EBF2: variants seen among roughly 807,000 people sequenced by gnomAD.
The protein encoded by EBF2 is transcription factor COE2.
In EBF2, 21 loss-of-function variants were observed where a neutral mutation model predicts 72.8. The observed-to-expected ratio is 0.29, with a 90% CI of 0.20 to 0.42. The LOEUF is 0.42. Among genes scored for constraint, EBF2 ranks in the 10% least tolerant of loss-of-function variants. The pLI, the probability that EBF2 is intolerant of heterozygous loss-of-function variation, is 1.00. For missense variants in EBF2, 637 were observed against 731.2 expected (o/e 0.87, Z 1.49); for synonymous variants, 299 against 274.2 (o/e 1.09, Z -0.89).
intron 10 of EBF2, among the ~76,000 whole-genome samples, chr8:25,882,221 G>A (rs1802615197): frequency 1.3e-5 from 2 of 152,272 alleles, no homozygotes; most frequent in African/African-American, 2.4e-5. Flanking sequence ...CAGCCTGCCC[G>A]TCTGCATGCT....
chr8:25,926,842 G>T (rs760926535), intron 6 of EBF2, among the ~76,000 whole-genome samples: 5 of 152,218 alleles, frequency 3.3e-5, no homozygotes, highest in Non-Finnish European at 7.3e-5. Context: ...CTGCCCTGAA[G>T]ATCTGAGCAA....
chr8:25,858,849 C>G (rs942479143), intron 13 of EBF2, among the ~76,000 whole-genome samples: 1 of 151,710 alleles, frequency 6.6e-6, no homozygotes, highest in Non-Finnish European at 1.5e-5. Flanking sequence ...TTAGTGGAGA[C>G]GGGAATTCAC....
At chr8:26,006,199 C>G (rs1477735448) in intron 6 of EBF2, among the ~76,000 whole-genome samples, 1 of 152,152 alleles carries the variant, frequency 6.6e-6, no homozygotes, top group Non-Finnish European at 1.5e-5. Flanking sequence ...CAGAAAGTAA[C>G]AAACAGATCC....
chr8:25,859,554 G>C (rs984171556), intron 13 of EBF2, among the ~76,000 whole-genome samples: 3 of 152,142 alleles, frequency 2.0e-5, no homozygotes, highest in African/African-American at 4.8e-5. Context: ...AGAAACCACA[G>C]CTCAGAAACA....
chr8:25,972,349 G>T (rs1190637207), intron 6 of EBF2, among the ~76,000 whole-genome samples: 2 of 152,104 alleles, frequency 1.3e-5, no homozygotes, highest in Non-Finnish European at 2.9e-5. Context: ...AGCTGCCTCA[G>T]ACTTCCTTCA....
rs1803757116 is a variant in EBF2, at chr8:25,945,644, G to C, written c.552-37089C>G. Among the ~76,000 whole-genome samples, 4 of 151,478 alleles carry C rather than the reference G, an allele frequency of 2.6e-5. No homozygotes were observed. The South Asian group carries it at 6.3e-4, about 24-fold the overall frequency. ...CTGTTTGGTTTCGGGGGTACAATGA[G>C]AGCCTGTGGAATTTGTTTCTGATAA... On this transcript the variant is annotated intron_variant, in intron 6 of 15. Transcript: ENST00000520164.
chr8:25,887,616 A>T (rs1383212305), intron 9 of EBF2, among the ~76,000 whole-genome samples: 1 of 152,116 alleles, frequency 6.6e-6, no homozygotes, highest in Non-Finnish European at 1.5e-5. Flanking sequence ...ATTTTTTCAA[A>T]ACATTTTTTA....
intron 6 of EBF2, among the ~76,000 whole-genome samples, chr8:26,010,888 C>G (rs111234612): frequency 1.6e-4 from 25 of 152,182 alleles, no homozygotes; most frequent in African/African-American, 4.8e-4. Context: ...AATATGGGCA[C>G]CGATGTGTAG....
chr8:25,976,582 C>T (rs1804272078), intron 6 of EBF2, among the ~76,000 whole-genome samples: 1 of 152,042 alleles, frequency 6.6e-6, no homozygotes, highest in Non-Finnish European at 1.5e-5. Flanking sequence ...ATATAGTTTC[C>T]AGAGTTTGCA....
intron 6 of EBF2, among the ~76,000 whole-genome samples, chr8:26,003,512 C>T (rs1413371860): frequency 2.0e-5 from 3 of 152,112 alleles, no homozygotes; most frequent in South Asian, 4.1e-4. Flanking sequence ...GAATCAGATC[C>T]GGCTTCAGGA....
chr8:25,852,436 C>T (rs911150859), intron 14 of EBF2, among the ~76,000 whole-genome samples: 1 of 152,178 alleles, frequency 6.6e-6, no homozygotes, highest in African/African-American at 2.4e-5. Flanking sequence ...GCCTTGGTTT[C>T]CCTGTCTACA....
At position 25,849,569 on chromosome 8, in the gene EBF2, A is replaced by G. The variant is rs534406481; in HGVS notation, c.1696+1025T>C. Among the ~76,000 whole-genome samples, 5 of 152,300 alleles carry G rather than the reference A, an allele frequency of 3.3e-5. No individual in the cohort carries two copies. The East Asian group carries it at 9.7e-4, about 29-fold the overall frequency. ...GCTTGTTGTAAATATTTTCTTGTCAAGAACATGAGAGGAGCAGCCTAAAAA... is the reference window on the plus strand; with the variant it reads ...GCTTGTTGTAAATATTTTCTTGTCAGGAACATGAGAGGAGCAGCCTAAAAA... On this transcript the variant is annotated intron_variant, in intron 15 of 15. Coordinates refer to ENST00000520164, the MANE Select transcript of EBF2 (RefSeq NM_022659.4).
At position 26,042,162 on chromosome 8, in the gene EBF2, T is replaced by C. The variant is rs749057023; in HGVS notation, c.221A>G (p.Tyr74Cys). ...SNFFHFVLAL[Y>C]DRQGQPVEIE... is the part of the protein sequence containing the mutation. ...CTCCACCGGCTGGCCCTGCCTGTCATAGAGCGCCAGGACGAAGTGAAAGAA... is the reference window on the plus strand; with the variant it reads ...CTCCACCGGCTGGCCCTGCCTGTCACAGAGCGCCAGGACGAAGTGAAAGAA... The change falls in exon 2 of 16, where the codon TAT (tyrosine) becomes TGT (cysteine). Residue 74 changes from tyrosine to cysteine, a missense_variant. Physicochemically the swap from Tyr to Cys is radical, Grantham distance 194. This residue lies in a region of EBF2 where 174 missense variants were observed against 161.9 expected (regional missense o/e 1.07). Coordinates refer to ENST00000520164, the MANE Select transcript of EBF2 (RefSeq NM_022659.4). The C allele has an allele frequency of 2.5e-6, 4 of 1,614,106 alleles. No homozygotes were observed. Among genetic ancestry groups the C allele is most frequent in the Non-Finnish European group, 3.4e-6 (4 of 1,180,020 alleles).
chr8:25,960,643 T>C (rs1804020510), intron 6 of EBF2, among the ~76,000 whole-genome samples: 1 of 152,076 alleles, frequency 6.6e-6, no homozygotes. Context: ...GATGAATTAA[T>C]GAAAGATGAA....
rs758316545 is a variant in EBF2 at position 25,908,570 on chromosome 8, C to G, written c.552-15G>C. 7 of 1,538,840 alleles carry G rather than the reference C, an allele frequency of 4.5e-6. No homozygotes were observed. The highest frequency in any genetic ancestry group is 5.3e-6 in the Non-Finnish European group (6 of 1,122,396). ...TTAAAAAGAATCTGTGAAGAGAAAG[C>G]GATGTGTTACATTTTTCAGTAAACA... On this transcript the variant is annotated splice_polypyrimidine_tract_variant and intron_variant, in intron 6 of 15. Coordinates refer to ENST00000520164, the MANE Select transcript of EBF2 (RefSeq NM_022659.4).
At chr8:25,911,343 C>T (rs1440458217) in intron 6 of EBF2, among the ~76,000 whole-genome samples, 2 of 152,194 alleles carry the variant, frequency 1.3e-5, no homozygotes, top group Admixed American at 6.5e-5. Context: ...ATGCTACACA[C>T]GACAAAGCTT....
At chr8:26,026,295 C>T (rs142167162) in intron 6 of EBF2, among the ~76,000 whole-genome samples, 70 of 152,190 alleles carry the variant, frequency 4.6e-4, no homozygotes, top group Admixed American at 1.4e-3. Context: ...TTAATAACTC[C>T]GGTAAATTAT....
chr8:25,859,879 G>A (rs1363863118), intron 13 of EBF2, among the ~76,000 whole-genome samples: 1 of 151,890 alleles, frequency 6.6e-6, no homozygotes, highest in Non-Finnish European at 1.5e-5. Context: ...ACCACACCTG[G>A]CTAATTTTTG....
intron 6 of EBF2, among the ~76,000 whole-genome samples, chr8:26,015,079 T>C (rs567813054): frequency 6.6e-6 from 1 of 151,872 alleles, no homozygotes; most frequent in Non-Finnish European, 1.5e-5. Flanking sequence ...ATTAAAAGAG[T>C]GGAGGAAACA....
Sources: gnomAD v4.1 joint callset for allele counts (sites outside exome capture counted in the v4.1 genomes callset) on GRCh38, gnomAD v4.1.1 for gene constraint, gnomAD v4.1.1 regional missense constraint, MANE v1.5 for transcripts, NCBI Gene and HGNC (gene_info 2026-07-23, HGNC 2026-07-21) for gene names.